SHPRH: variants seen among roughly 807,000 people sequenced by gnomAD.
SHPRH encodes the protein E3 ubiquitin-protein ligase SHPRH.
SHPRH carries 106 observed loss-of-function variants against 202.5 expected under a neutral mutation model. The observed-to-expected ratio is 0.52, with a 90% CI of 0.45 to 0.62. The LOEUF is 0.62. Among genes scored for constraint, SHPRH ranks in the 20% least tolerant of loss-of-function variants. The pLI is 0.00. For synonymous variants in SHPRH, 729 were observed against 686.0 expected (o/e 1.06, Z -0.98); for missense variants, 1,710 against 2,020.0 (o/e 0.85, Z 2.94).
chr6:145,869,882 A>C (rs1779977839), intron 2 of SHPRH, among the ~76,000 whole-genome samples: 1 of 151,296 alleles, frequency 6.6e-6, no homozygotes, highest in Non-Finnish European at 1.5e-5. Flanking sequence ...TCACAAAATA[A>C]TGTGTTGGGA....
intron 16 of SHPRH, 59 bp downstream of exon 16, chr6:145,926,145 A>G: frequency 7.2e-7 from 1 of 1,398,028 alleles, no homozygotes; most frequent in Non-Finnish European, 1.0e-6. Flanking sequence ...TATCAACTAT[A>G]TGGAGCATAA....
At chr6:145,864,010 G>C (rs998505258), downstream of SHPRH, among the ~76,000 whole-genome samples, 5 of 152,198 alleles carry the variant, frequency 3.3e-5, no homozygotes, top group Non-Finnish European at 1.5e-5. Flanking sequence ...CATCATGTGA[G>C]TGTCTGGCTT....
At chr6:145,918,331 T>G (rs769233730) in intron 22 of SHPRH, 99 bp from the exon 23 acceptor site, 2 of 767,692 alleles carry the variant, frequency 2.6e-6, no homozygotes, top group Admixed American at 4.0e-5. Flanking sequence ...TGTATTGTTT[T>G]TAAAAAAAAC....
rs137918428 is a variant in SHPRH at position 145,937,170 on chromosome 6, G to C, written c.2570-1729C>G. Among the ~76,000 whole-genome samples the C allele has an allele frequency of 3.3e-5, 5 of 151,916 alleles. No individual in the cohort carries two copies. In the East Asian group the frequency reaches 9.7e-4, roughly 29 times the overall value. On this transcript the variant is annotated intron_variant, in intron 11 of 29. Coordinates refer to ENST00000275233, the MANE Select transcript of SHPRH (RefSeq NM_001042683.3). ...AGCTAATTTTTGTATTTTTAGTAGA[G>C]ACGAGGCTTCATCATGTTGGCCAGG... is the stretch of plus-strand genomic sequence containing the variant.
intron 28 of SHPRH, among the ~76,000 whole-genome samples, chr6:145,888,733 C>G (rs1179422372): frequency 6.6e-6 from 1 of 152,106 alleles, no homozygotes; most frequent in Non-Finnish European, 1.5e-5. Flanking sequence ...GTACTTCTTG[C>G]TCAGCAAGAA....
intron 25 of SHPRH, chr6:145,909,397 T>C (rs1045569284): frequency 6.6e-5 from 10 of 152,110 alleles, no homozygotes; most frequent in African/African-American, 9.7e-5. Context: ...TGAATGCTTA[T>C]TCTAACTGTG....
chr6:145,912,072 C>T (rs543231976), intron 24 of SHPRH, among the ~76,000 whole-genome samples: 6 of 151,736 alleles, frequency 4.0e-5, no homozygotes, highest in African/African-American at 1.5e-4. Flanking sequence ...GGTCCACCTA[C>T]ATGTGCAATG....
chr6:145,858,425 A>G, the SHPRH span, among the ~76,000 whole-genome samples: 1 of 152,130 alleles, frequency 6.6e-6, no homozygotes, highest in Admixed American at 6.6e-5. Flanking sequence ...GATGAATCTT[A>G]AAATAAATAT....
rs1784252583 is a variant in SHPRH at position 145,919,606 on chromosome 6, T to C, written c.4009-115A>G. 27 of 1,255,866 alleles carry C rather than the reference T, an allele frequency of 2.1e-5. No homozygotes were observed. The South Asian group carries it at 3.1e-4, about 14-fold the overall frequency. The allele number at this position is 1,255,866 out of a possible 1,614,324, so 77.8% of individuals were successfully genotyped here. ...AATGAGATCTTACACTTTTTCGCTA[T>C]GTGTCTAACGTACAAGTAGTTCCTG... is the stretch of plus-strand genomic sequence containing the variant. On this transcript the variant is annotated intron_variant, in intron 21 of 29. Coordinates refer to ENST00000275233, the MANE Select transcript of SHPRH (RefSeq NM_001042683.3).
intron 2 of SHPRH, chr6:145,870,983 G>A (rs1478508027): frequency 6.6e-6 from 1 of 152,134 alleles, no homozygotes; most frequent in Admixed American, 6.5e-5. Context: ...ATGCAGAAAA[G>A]GCCTTCGATA....
chr6:145,885,774 T>C lies in SHPRH; in HGVS notation c.*917A>G, dbSNP rs1216477981. ...ATAACAACTCTACCATGAATTCAGA[T>C]ATCACTGGCTAAAAAGTCTAGTTAC... On this transcript the variant is annotated 3_prime_UTR_variant, in exon 30 of 30. Transcript: ENST00000275233. 6.6e-6 allele frequency: 1 copy of C among 151,902 alleles called. No individual in the cohort carries two copies. Among genetic ancestry groups the C allele is most frequent in the Non-Finnish European group, 1.5e-5 (1 of 68,006 alleles). 9.4% of individuals were successfully genotyped at this position (151,902 alleles called of 1,614,324 possible). A position where few individuals can be genotyped will look rare whatever the true frequency, so the allele number is the denominator to read the frequency against.
At chr6:145,871,469 C>T (rs1780053100) in intron 2 of SHPRH, 1 of 152,142 alleles carries the variant, frequency 6.6e-6, no homozygotes, top group South Asian at 2.1e-4. Context: ...GAACAAAATA[C>T]CTAGGAATAC....
At chr6:145,870,474 G>C (rs1296895591) in intron 2 of SHPRH, among the ~76,000 whole-genome samples, 1 of 152,018 alleles carries the variant, frequency 6.6e-6, no homozygotes, top group African/African-American at 2.4e-5. Flanking sequence ...ATGTTAGCCA[G>C]GATAGTCTTG....
intron 18 of SHPRH, among the ~76,000 whole-genome samples, chr6:145,923,265 G>A (rs1373750963): frequency 1.3e-5 from 2 of 151,238 alleles, no homozygotes; most frequent in Non-Finnish European, 3.0e-5. Flanking sequence ...TATATTCCTT[G>A]GTTGAATATA....
intron 11 of SHPRH, among the ~76,000 whole-genome samples, chr6:145,936,169 G>A (rs1198506517): frequency 2.0e-5 from 3 of 151,260 alleles, no homozygotes; most frequent in African/African-American, 7.3e-5. Context: ...ACCCTAAACA[G>A]TTTTCCATAT....
chr6:145,930,309 C>CT (rs890322039), intron 14 of SHPRH, among the ~76,000 whole-genome samples: 14 of 151,582 alleles, frequency 9.2e-5, no homozygotes, highest in African/African-American at 1.2e-4. Flanking sequence ...TTCATTTGCT[C>CT]TTTTTTTTTA....
chr6:145,894,914 G>A lies in SHPRH; in HGVS notation c.4579C>T (p.Pro1527Ser). ...GAGAAAACGAGTGCTTTGGCCCCTG[G>A]ATCTCTAAGCTGTATTTTCATCAGA... ...RTLMKIQLRD[P>S]GAKALVFSTW... Residue 1527 changes from proline to serine, a missense_variant, in exon 26 of 30, where the codon CCA (proline) becomes TCA (serine). Pro to Ser is a moderately conservative substitution (Grantham distance 74). Transcript: ENST00000275233. The A allele has an allele frequency of 6.2e-7, 1 of 1,612,844 alleles. No homozygotes were observed. Among genetic ancestry groups the A allele is most frequent in the Non-Finnish European group, 8.5e-7 (1 of 1,179,232 alleles).
At chr6:145,938,644 T>C (rs1317378053) in intron 11 of SHPRH, among the ~76,000 whole-genome samples, 1 of 152,240 alleles carries the variant, frequency 6.6e-6, no homozygotes, top group Non-Finnish European at 1.5e-5. Context: ...TGTTAGGTAC[T>C]GTGCTAAATC....
At chr6:145,901,755 T>C (rs1267056887) in intron 25 of SHPRH, among the ~76,000 whole-genome samples, 3 of 152,222 alleles carry the variant, frequency 2.0e-5, no homozygotes, top group Admixed American at 1.3e-4. Flanking sequence ...AGCACCTCTG[T>C]CCTCTTCTGA....
Sources: gnomAD v4.1 joint callset for allele counts (sites outside exome capture counted in the v4.1 genomes callset) on GRCh38, gnomAD v4.1.1 for gene constraint, MANE v1.5 for transcripts, NCBI Gene and HGNC (gene_info 2026-07-23, HGNC 2026-07-21) for gene names.